CAMK1D: variants seen among roughly 807,000 people sequenced by gnomAD.
CAMK1D encodes the protein calcium/calmodulin dependent protein kinase ID.
A neutral mutation model predicts 47.7 loss-of-function variants in CAMK1D; 9 were observed. That is an observed-to-expected ratio of 0.19 (90% confidence interval 0.11 to 0.33). The LOEUF (loss-of-function observed/expected upper bound fraction) is 0.33, where lower values mean the gene tolerates loss of function less well. Ranked by LOEUF, CAMK1D falls within the 10% of genes least tolerant of loss-of-function variation. The pLI is 1.00. For missense variants in CAMK1D, 291 were observed against 488.7 expected, an observed-to-expected ratio of 0.60 and a Z score of 3.81; for synonymous variants, 184 against 184.9, an observed-to-expected ratio of 0.99 and a Z score of 0.04.
intron 3 of CAMK1D, among the ~76,000 whole-genome samples, chr10:12,694,274 T>TATGTATA (rs1833130305): frequency 1.3e-5 from 1 of 78,062 alleles, no homozygotes; most frequent in African/African-American, 5.3e-5. Context: ...TAATATATAT[T>TATGTATA]ATACATAATA....
intron 6 of CAMK1D, among the ~76,000 whole-genome samples, chr10:12,806,901 G>A (rs1292113623): frequency 6.6e-6 from 1 of 151,982 alleles, no homozygotes; most frequent in African/African-American, 2.4e-5. Flanking sequence ...TGGCGGTCTG[G>A]CTAGATCAAC....
chr10:12,756,094 C>CTCTCACAG (rs1215055052), intron 3 of CAMK1D, among the ~76,000 whole-genome samples: 1 of 152,192 alleles, frequency 6.6e-6, no homozygotes, highest in Non-Finnish European at 1.5e-5. Flanking sequence ...TCTCAGACTG[C>CTCTCACAG]TCTCACAGCA....
chr10:12,389,384 G>A (rs1329876098), intron 1 of CAMK1D, among the ~76,000 whole-genome samples: 1 of 152,134 alleles, frequency 6.6e-6, no homozygotes, highest in Non-Finnish European at 1.5e-5. Context: ...TGCTCTCCTT[G>A]GGGTGCGTGG....
At chr10:12,677,516 G>A (rs556816998) in intron 3 of CAMK1D, among the ~76,000 whole-genome samples, 16 of 152,228 alleles carry the variant, frequency 1.1e-4, no homozygotes, top group African/African-American at 3.1e-4. Flanking sequence ...TATAACCCTC[G>A]GAGGTTGCTT....
chr10:12,791,965 A>T (rs1006219272), intron 6 of CAMK1D, among the ~76,000 whole-genome samples: 2 of 152,206 alleles, frequency 1.3e-5, no homozygotes, highest in Non-Finnish European at 2.9e-5. Flanking sequence ...GTTTCTCCAC[A>T]TCTAAACCAA....
intron 3 of CAMK1D, among the ~76,000 whole-genome samples, chr10:12,716,260 T>A (rs1013504226): frequency 6.6e-6 from 1 of 152,102 alleles, no homozygotes. Flanking sequence ...GAGGATGTCT[T>A]GTGTATTGTA....
chr10:12,684,460 C>A (rs1342159728), intron 3 of CAMK1D, among the ~76,000 whole-genome samples: 4 of 151,730 alleles, frequency 2.6e-5, no homozygotes, highest in Non-Finnish European at 5.9e-5. Flanking sequence ...AGGTTATAAG[C>A]CCTTGGTTAG....
In CAMK1D at chr10:12,602,895, GTTA is replaced by G. The variant is rs71386103; in HGVS notation, c.224+49566_224+49568del. Among the ~76,000 whole-genome samples the G allele has an allele frequency of 6.0e-3, 803 of 134,400 alleles. 12 individuals are homozygous for G. The highest frequency in any genetic ancestry group is 0.033 in the Middle Eastern group (9 of 276). 88.2% of individuals were successfully genotyped at this position (134,400 alleles called of 152,430 possible). ...GCATCACATGTCTTTCTAACTGCTTGTTATTATTATTATTATTATTATTATTAT... is the reference window on the plus strand; with the variant it reads ...GCATCACATGTCTTTCTAACTGCTTGTTATTATTATTATTATTATTATTAT... On this transcript the variant is annotated intron_variant, in intron 2 of 10. Coordinates refer to ENST00000619168, the MANE Select transcript of CAMK1D (RefSeq NM_153498.4).
At chr10:12,425,263 C>G (rs1840189410) in intron 1 of CAMK1D, among the ~76,000 whole-genome samples, 1 of 136,126 alleles carries the variant, frequency 7.3e-6, no homozygotes, top group Admixed American at 7.2e-5. Context: ...GTGCCCCTTT[C>G]TTTTCTTTCT....
chr10:12,500,395 C>T (rs1015724069), intron 1 of CAMK1D, among the ~76,000 whole-genome samples: 1 of 152,198 alleles, frequency 6.6e-6, no homozygotes, highest in Admixed American at 6.5e-5. Context: ...TCTTAGACCT[C>T]ACTGAGCCCA....
chr10:12,804,062 T>G (rs779494111), intron 6 of CAMK1D, among the ~76,000 whole-genome samples: 2 of 152,188 alleles, frequency 1.3e-5, no homozygotes, highest in Non-Finnish European at 2.9e-5. Flanking sequence ...TGTTGAAGTT[T>G]CCTTGTGTTC....
At chr10:12,745,231 C>T (rs990200818) in intron 3 of CAMK1D, among the ~76,000 whole-genome samples, 2 of 152,096 alleles carry the variant, frequency 1.3e-5, no homozygotes, top group African/African-American at 2.4e-5. Context: ...AGGGTTTCAC[C>T]GTGTTAGCCA....
At chr10:12,680,900 AAT>A (rs1491422233) in intron 3 of CAMK1D, among the ~76,000 whole-genome samples, 11 of 151,318 alleles carry the variant, frequency 7.3e-5, no homozygotes, top group Non-Finnish European at 1.3e-4. Context: ...AAAAAAAAAA[AAT>A]CTTTACTCCA....
intron 1 of CAMK1D, among the ~76,000 whole-genome samples, chr10:12,523,624 A>C (rs1215344305): frequency 6.6e-6 from 1 of 152,210 alleles, no homozygotes; most frequent in African/African-American, 2.4e-5. Context: ...TCACGCCTGC[A>C]ATCGCAGGCA....
chr10:12,456,839 A>G (rs1833262679), intron 1 of CAMK1D, among the ~76,000 whole-genome samples: 1 of 151,250 alleles, frequency 6.6e-6, no homozygotes, highest in African/African-American at 2.4e-5. Flanking sequence ...ACCCTACAGG[A>G]GGGGCATCTG....
intron 2 of CAMK1D, among the ~76,000 whole-genome samples, chr10:12,662,798 A>C (rs531275975): frequency 1.3e-5 from 2 of 152,312 alleles, no homozygotes; most frequent in South Asian, 4.2e-4. Flanking sequence ...AACAGTCAAA[A>C]ATCCCTCCCT....
chr10:12,434,700 A>T (rs992601889), intron 1 of CAMK1D, among the ~76,000 whole-genome samples: 2 of 152,224 alleles, frequency 1.3e-5, no homozygotes, highest in African/African-American at 2.4e-5. Context: ...AATCTGTTAA[A>T]TAATACTCTG....
intron 4 of CAMK1D, among the ~76,000 whole-genome samples, chr10:12,765,644 C>T (rs1274005622): frequency 6.6e-6 from 1 of 152,184 alleles, no homozygotes; most frequent in Non-Finnish European, 1.5e-5. Context: ...GGGTGATACC[C>T]GAGATTCATT....
At chr10:12,516,618 A>G (rs539791640) in intron 1 of CAMK1D, among the ~76,000 whole-genome samples, 2 of 152,248 alleles carry the variant, frequency 1.3e-5, no homozygotes, top group Non-Finnish European at 2.9e-5. Context: ...GCGTATCATG[A>G]TGCTGTTGCT....
Sources: allele counts gnomAD v4.1 joint callset (sites outside exome capture counted in the v4.1 genomes callset), GRCh38; gene constraint gnomAD v4.1.1; transcripts MANE v1.5; gene names NCBI Gene and HGNC (gene_info 2026-07-23, HGNC 2026-07-21).